Variants in PDSS2 observed in about 807,000 individuals in gnomAD.
The protein encoded by PDSS2 is all trans-polyprenyl-diphosphate synthase PDSS2.
A neutral mutation model predicts 44.5 loss-of-function variants in PDSS2; 31 were observed. That is an observed-to-expected ratio of 0.70 (90% CI 0.52 to 0.94). The LOEUF is 0.94. PDSS2 is among the 40% of genes least tolerant of loss of function. The probability of loss-of-function intolerance (pLI) is 0.00; values close to 1 mark genes in which losing one functional copy is unlikely to be tolerated. For missense variants in PDSS2, 452 were observed against 482.2 expected (o/e 0.94, Z 0.59); for synonymous variants, 157 against 180.3 (o/e 0.87, Z 1.03).
chr6:107,351,886 T>C (rs113661633), intron 1 of PDSS2, among the ~76,000 whole-genome samples: 13 of 152,186 alleles, frequency 8.5e-5, no homozygotes, highest in African/African-American at 2.2e-4. Flanking sequence ...CATATTGATA[T>C]ACGTTTCTGA....
At position 107,245,639 on chromosome 6, in the gene PDSS2, A is replaced by C; in HGVS notation, c.631-20T>G. Reference sequence around the variant, plus strand: ...CACAACCTAAAAAGCAAGAAGAAAAATAAAAATAAAAAAATTTAAATATAT... The same window carrying C: ...CACAACCTAAAAAGCAAGAAGAAAACTAAAAATAAAAAAATTTAAATATAT... On this transcript the variant is annotated intron_variant, in intron 3 of 7. Coordinates refer to ENST00000369037, the MANE Select transcript of PDSS2 (RefSeq NM_020381.4). The C allele has an allele frequency of 6.8e-7, 1 of 1,466,030 alleles. No individual in the cohort carries two copies. The highest frequency in any genetic ancestry group is 2.4e-5 in the East Asian group (1 of 40,902). The allele number at this position is 1,466,030 out of a possible 1,614,324, so 90.8% of individuals were successfully genotyped here. A position where few individuals can be genotyped will look rare whatever the true frequency, so the allele number is the denominator to read the frequency against.
intron 4 of PDSS2, among the ~76,000 whole-genome samples, chr6:107,237,887 C>T (rs1353108597): frequency 4.2e-5 from 6 of 142,236 alleles, no homozygotes; most frequent in Admixed American, 2.9e-4. Context: ...CAGAGCAAGA[C>T]TCCGTCTCTG....
chr6:107,392,165 C>T (rs1779804702), intron 1 of PDSS2, among the ~76,000 whole-genome samples: 1 of 152,050 alleles, frequency 6.6e-6, no homozygotes. Flanking sequence ...CTAATAGAAC[C>T]TTTCTCTAAT....
At chr6:107,313,286 T>G (rs1777100864) in intron 2 of PDSS2, among the ~76,000 whole-genome samples, 1 of 152,234 alleles carries the variant, frequency 6.6e-6, no homozygotes, top group South Asian at 2.1e-4. Context: ...AAAAATATTT[T>G]TTAGAACTCC....
chr6:107,290,875 C>G (rs567295823), intron 2 of PDSS2, among the ~76,000 whole-genome samples: 1 of 152,182 alleles, frequency 6.6e-6, no homozygotes, highest in South Asian at 2.1e-4. Flanking sequence ...TTTTTCCCCC[C>G]ACTTGTTTGT....
chr6:107,363,587 A>T (rs1396888578), intron 1 of PDSS2, among the ~76,000 whole-genome samples: 1 of 152,176 alleles, frequency 6.6e-6, no homozygotes, highest in Non-Finnish European at 1.5e-5. Flanking sequence ...AGCAGCGTGG[A>T]CCCAAAGAGT....
chr6:107,457,748 C>A (rs1782091315), intron 1 of PDSS2, among the ~76,000 whole-genome samples: 1 of 152,154 alleles, frequency 6.6e-6, no homozygotes, highest in African/African-American at 2.4e-5. Context: ...TGGACTGAAT[C>A]CTGTCCTGGA....
In PDSS2 at chr6:107,352,708, G is replaced by A. The variant is rs575918028; in HGVS notation, c.297-18376C>T. ...TATAGAGAAGTGGTTCTTAACTCGG[G>A]TGATTTTACCTTTCTCCTTTCCCAC... On this transcript the variant is annotated intron_variant, in intron 1 of 7. Transcript: ENST00000369037. Among the ~76,000 whole-genome samples the A allele has an allele frequency of 2.6e-5, 4 of 152,318 alleles. No individual in the cohort carries two copies. In the East Asian group the frequency reaches 7.7e-4, roughly 29 times the overall value.
intron 1 of PDSS2, among the ~76,000 whole-genome samples, chr6:107,378,419 A>G (rs928411582): frequency 9.9e-5 from 15 of 152,172 alleles, no homozygotes; most frequent in Non-Finnish European, 1.9e-4. Flanking sequence ...GTTGTATGAC[A>G]TAAGGCTAAT....
intron 4 of PDSS2, among the ~76,000 whole-genome samples, chr6:107,215,200 A>G (rs1199155651): frequency 1.3e-5 from 2 of 152,098 alleles, no homozygotes; most frequent in Non-Finnish European, 2.9e-5. Context: ...ACAAAATTCA[A>G]CTCCTATTCT....
At chr6:107,404,544 G>T (rs1405133909) in intron 1 of PDSS2, among the ~76,000 whole-genome samples, 3 of 152,210 alleles carry the variant, frequency 2.0e-5, no homozygotes, top group East Asian at 3.8e-4. Context: ...GGCTGGGAAG[G>T]ACTCACAATC....
chr6:107,358,088 T>C (rs1778646458), intron 1 of PDSS2, among the ~76,000 whole-genome samples: 1 of 152,188 alleles, frequency 6.6e-6, no homozygotes, highest in Admixed American at 6.5e-5. Context: ...AGTGGAATAT[T>C]CTATACCTGA....
At chr6:107,396,403 G>A (rs1471640210) in intron 1 of PDSS2, among the ~76,000 whole-genome samples, 5 of 152,118 alleles carry the variant, frequency 3.3e-5, no homozygotes, top group South Asian at 2.1e-4. Flanking sequence ...CAATCATAGA[G>A]TTATCTCTTT....
chr6:107,374,545 T>C (rs754569673), intron 1 of PDSS2, among the ~76,000 whole-genome samples: 2 of 151,912 alleles, frequency 1.3e-5, no homozygotes, highest in Non-Finnish European at 2.9e-5. Flanking sequence ...ACACTTAGAG[T>C]GGTTAGGCAC....
chr6:107,164,619 A>G (rs1427497576), intron 7 of PDSS2, among the ~76,000 whole-genome samples: 1 of 152,336 alleles, frequency 6.6e-6, no homozygotes, highest in South Asian at 2.1e-4. Context: ...TAGTGCCGCA[A>G]TAAACATACG....
intron 3 of PDSS2, among the ~76,000 whole-genome samples, chr6:107,248,617 A>G (rs1045115442): frequency 2.0e-5 from 3 of 151,938 alleles, no homozygotes; most frequent in Admixed American, 1.3e-4. Context: ...GGGCAAATCA[A>G]TTTTTCTGAG....
intron 4 of PDSS2, among the ~76,000 whole-genome samples, chr6:107,242,298 C>T (rs1774462081): frequency 6.6e-6 from 1 of 152,114 alleles, no homozygotes; most frequent in Non-Finnish European, 1.5e-5. Context: ...GAGTCTTGCT[C>T]TGTCGCCCAG....
chr6:107,397,742 T>C lies in PDSS2; in HGVS notation c.296+61248A>G, dbSNP rs144530150. 1.2e-4 allele frequency among the ~76,000 whole-genome samples: 18 copies of C among 152,318 alleles called. No individual in the cohort carries two copies. In the East Asian group the frequency reaches 3.5e-3, roughly 29 times the overall value. ...AAATAACAGTATTTGTTGCCAAAAA[T>C]AAAATTTGAGCTTTCAGGCAGAAAT... is the stretch of plus-strand genomic sequence containing the variant. On this transcript the variant is annotated intron_variant, in intron 1 of 7. Transcript: ENST00000369037.
At chr6:107,318,848 C>G (rs1411055133) in intron 2 of PDSS2, among the ~76,000 whole-genome samples, 1 of 152,028 alleles carries the variant, frequency 6.6e-6, no homozygotes, top group Non-Finnish European at 1.5e-5. Context: ...ATTAGCTGGG[C>G]CTGGTGGCAG....
Sources: allele counts gnomAD v4.1 joint callset (sites outside exome capture counted in the v4.1 genomes callset), GRCh38; gene constraint gnomAD v4.1.1; transcripts MANE v1.5; gene names NCBI Gene and HGNC (gene_info 2026-07-23, HGNC 2026-07-21).